RANBP2: variants seen among roughly 807,000 people sequenced by gnomAD.
RANBP2 encodes the protein RAN binding protein 2, also known as E3 SUMO-protein ligase RanBP2.
In RANBP2, 57 loss-of-function variants were observed where a neutral mutation model predicts 303.6. That is an observed-to-expected ratio of 0.19 (90% CI 0.15 to 0.23). The LOEUF is 0.23. Ranked by LOEUF, RANBP2 falls within the 10% of genes least tolerant of loss-of-function variation. The pLI is 1.00. For missense variants in RANBP2, 3,138 were observed against 3,780.8 expected (o/e 0.83, Z 4.46); for synonymous variants, 1,167 against 1,301.5 (o/e 0.90, Z 2.23).
At chr2:109,614,572 G>A in the RANBP2 span, 5 of 1,376,048 alleles carry the variant, frequency 3.6e-6, no homozygotes, top group South Asian at 1.7e-5. Flanking sequence ...CGCGGGGGCC[G>A]GGCCCTGCAC....
the RANBP2 span, chr2:109,616,178 G>A: frequency 7.2e-7 from 1 of 1,390,982 alleles, no homozygotes; most frequent in African/African-American, 1.5e-5. Context: ...ATTCTTACTT[G>A]AGGGATCGGA....
At chr2:109,225,167 A>G in the RANBP2 span, among the ~76,000 whole-genome samples, 2 of 152,266 alleles carry the variant, frequency 1.3e-5, no homozygotes, top group African/African-American at 4.8e-5. Flanking sequence ...ATGAGGTTCT[A>G]TGGCTTCTGC....
chr2:109,595,994 A>G, the RANBP2 span, among the ~76,000 whole-genome samples: 3 of 152,212 alleles, frequency 2.0e-5, no homozygotes, highest in Admixed American at 6.5e-5. Flanking sequence ...CACTGAGGCT[A>G]TATTATTTTG....
chr2:109,521,779 A>G, the RANBP2 span, among the ~76,000 whole-genome samples: 1 of 152,200 alleles, frequency 6.6e-6, no homozygotes, highest in Non-Finnish European at 1.5e-5. Context: ...GCAGCAGATA[A>G]TCTCCTTGGG....
chr2:109,198,523 C>T, the RANBP2 span, among the ~76,000 whole-genome samples: 1 of 152,208 alleles, frequency 6.6e-6, no homozygotes. Flanking sequence ...GTGGCTTAAA[C>T]AGCAGACATC....
At chr2:108,990,495 C>A in the RANBP2 span, among the ~76,000 whole-genome samples, 6 of 148,872 alleles carry the variant, frequency 4.0e-5, no homozygotes, top group East Asian at 2.0e-4. Flanking sequence ...TGTGTGGAGG[C>A]TAAAGCAGGA....
the RANBP2 span, chr2:108,794,629 C>G: frequency 6.2e-7 from 1 of 1,613,844 alleles, no homozygotes; most frequent in African/African-American, 1.3e-5. Flanking sequence ...TGTCAGCTGT[C>G]CAAAATCTAA....
At chr2:109,298,268 G>A in the RANBP2 span, among the ~76,000 whole-genome samples, 1 of 152,000 alleles carries the variant, frequency 6.6e-6, no homozygotes, top group Non-Finnish European at 1.5e-5. Flanking sequence ...ATGTCCCCGA[G>A]GAGCAGAGAG....
chr2:109,616,042 G>C, the RANBP2 span: 2 of 1,513,698 alleles, frequency 1.3e-6, no homozygotes. Context: ...TTCACATTGA[G>C]ACCAAAGTCC....
At chr2:109,236,646 A>G in the RANBP2 span, among the ~76,000 whole-genome samples, 3 of 152,162 alleles carry the variant, frequency 2.0e-5, no homozygotes, top group Non-Finnish European at 4.4e-5. Context: ...ATGCTGCCCA[A>G]ATGGGGAGAT....
At chr2:109,205,731 C>T in the RANBP2 span, among the ~76,000 whole-genome samples, 1 of 152,204 alleles carries the variant, frequency 6.6e-6, no homozygotes, top group Admixed American at 6.5e-5. Flanking sequence ...GCACTTTGCT[C>T]ACTGGCAGGA....
chr2:109,490,971 T>C, the RANBP2 span: 1 of 1,420,972 alleles, frequency 7.0e-7, no homozygotes, highest in Non-Finnish European at 9.2e-7. Flanking sequence ...TGTGGCATGC[T>C]GTGGTTTGGC....
the RANBP2 span, among the ~76,000 whole-genome samples, chr2:109,089,089 T>A: frequency 2.0e-5 from 3 of 151,448 alleles, no homozygotes; most frequent in Non-Finnish European, 2.9e-5. Flanking sequence ...GGGGAAGCAA[T>A]GAAGGTGAAC....
the RANBP2 span, among the ~76,000 whole-genome samples, chr2:109,146,881 T>TCCCCCCCC: frequency 1.3e-4 from 1 of 7,812 alleles, no homozygotes; most frequent in Non-Finnish European, 2.1e-4. Context: ...TCTTCTTTTT[T>TCCCCCCCC]CCCTCCCCCC....
the RANBP2 span, among the ~76,000 whole-genome samples, chr2:109,514,486 AGT>A: frequency 6.6e-6 from 1 of 152,168 alleles, no homozygotes; most frequent in Non-Finnish European, 1.5e-5. Flanking sequence ...GTACGAGTTC[AGT>A]GTGGGGCACT....
the RANBP2 span, among the ~76,000 whole-genome samples, chr2:109,607,527 C>T: frequency 6.6e-6 from 1 of 152,146 alleles, no homozygotes; most frequent in Non-Finnish European, 1.5e-5. Flanking sequence ...CTCACCAAAG[C>T]TCAACCTTAT....
the RANBP2 span, among the ~76,000 whole-genome samples, chr2:108,918,684 G>T: frequency 6.6e-6 from 1 of 152,324 alleles, no homozygotes; most frequent in Non-Finnish European, 1.5e-5. Flanking sequence ...CCCCAGGAAT[G>T]CTCAGTGAGC....
chr2:109,453,412 C>T, the RANBP2 span, among the ~76,000 whole-genome samples: 2 of 152,222 alleles, frequency 1.3e-5, no homozygotes, highest in African/African-American at 4.8e-5. Context: ...AACCATGGAA[C>T]ACTGCCTATT....
chr2:109,416,781 C>T, the RANBP2 span, among the ~76,000 whole-genome samples: 5 of 151,784 alleles, frequency 3.3e-5, no homozygotes, highest in Non-Finnish European at 7.4e-5. Flanking sequence ...TATTGTGCAA[C>T]TGTAATCCCG....
Sources: gnomAD v4.1 joint callset for allele counts (sites outside exome capture counted in the v4.1 genomes callset) on GRCh38, gnomAD v4.1.1 for gene constraint, MANE v1.5 for transcripts, NCBI Gene and HGNC (gene_info 2026-07-23, HGNC 2026-07-21) for gene names.